The following PRKCB variants were observed in gnomAD, a reference collection of about 807,000 sequenced individuals.
PRKCB encodes protein kinase C beta.
A neutral mutation model predicts 81.5 loss-of-function variants in PRKCB; 13 were observed. The observed-to-expected ratio is 0.16, with a 90% CI of 0.10 to 0.25. The LOEUF is 0.25. Ranked by LOEUF, PRKCB falls within the 10% of genes least tolerant of loss-of-function variation. The pLI, the probability that PRKCB is intolerant of heterozygous loss-of-function variation, is 1.00. For missense variants in PRKCB, 509 were observed against 875.7 expected, an observed-to-expected ratio of 0.58 and a Z score of 5.29; for synonymous variants, 335 against 321.4, an observed-to-expected ratio of 1.04 and a Z score of -0.45.
chr16:23,932,154 A>T (rs878911308), intron 2 of PRKCB, among the ~76,000 whole-genome samples: 1 of 152,386 alleles, frequency 6.6e-6, no homozygotes, highest in African/African-American at 2.4e-5. Flanking sequence ...AAATAGAATT[A>T]AAAGATATAG....
intron 2 of PRKCB, among the ~76,000 whole-genome samples, chr16:23,841,101 CAG>C: frequency 6.6e-6 from 1 of 152,122 alleles, no homozygotes; most frequent in East Asian, 1.9e-4. Context: ...TTTATTGAGA[CAG>C]AGTCTCACTC....
rs937169523 is a variant in PRKCB at position 24,213,837 on chromosome 16, T to A, written c.1864-821T>A. Among the ~76,000 whole-genome samples, 6 of 152,242 alleles carry A rather than the reference T, an allele frequency of 3.9e-5. 1 individual carries two copies. The highest frequency in any genetic ancestry group is 1.4e-4 in the African/African-American group (6 of 41,472). ...TGTACATACACATATGTGTTATAACTCTGCCTCAGATGGGGGCCTTTTTAA... is the reference window on the plus strand; with the variant it reads ...TGTACATACACATATGTGTTATAACACTGCCTCAGATGGGGGCCTTTTTAA... On this transcript the variant is annotated intron_variant, in intron 16 of 16. Coordinates refer to ENST00000643927, the MANE Select transcript of PRKCB (RefSeq NM_002738.7).
chr16:24,140,451 C>T (rs758278858), intron 9 of PRKCB, among the ~76,000 whole-genome samples: 4 of 152,050 alleles, frequency 2.6e-5, no homozygotes, highest in Non-Finnish European at 5.9e-5. Flanking sequence ...GCTTTACACA[C>T]AAAGACTCAA....
chr16:23,849,767 T>C (rs559537009), intron 2 of PRKCB, among the ~76,000 whole-genome samples: 1 of 152,384 alleles, frequency 6.6e-6, no homozygotes, highest in South Asian at 2.1e-4. Context: ...TTGATACATA[T>C]ATACAATGTG....
chr16:24,038,430 C>T (rs965316481), intron 5 of PRKCB, among the ~76,000 whole-genome samples: 4 of 152,248 alleles, frequency 2.6e-5, no homozygotes, highest in Non-Finnish European at 5.9e-5. Context: ...TGATATCACA[C>T]CATTCGGGAA....
chr16:23,866,280 C>T (rs150810970), intron 2 of PRKCB, among the ~76,000 whole-genome samples: 50 of 152,192 alleles, frequency 3.3e-4, no homozygotes, highest in Admixed American at 7.8e-4. Context: ...TGTTTATCCC[C>T]ATACACGTAT....
Position 24,216,789 on chromosome 16 carries a change from C to T in PRKCB, c.*1973C>T. ...GAAGGAGGGAAATCGGAGCAAAGCT[C>T]CCTCACTTTATTGTTGAGAAACTGG... On this transcript the variant is annotated 3_prime_UTR_variant, in exon 17 of 17. Coordinates refer to ENST00000643927, the MANE Select transcript of PRKCB (RefSeq NM_002738.7). 2 of 985,418 alleles carry T rather than the reference C, an allele frequency of 2.0e-6. No homozygotes were observed. The highest frequency in any genetic ancestry group is 2.4e-6 in the Non-Finnish European group (2 of 829,946). The allele number at this position is 985,418 out of a possible 1,614,324, so 61.0% of individuals were successfully genotyped here.
chr16:24,144,181 GA>G (rs982577056), intron 9 of PRKCB, among the ~76,000 whole-genome samples: 1 of 151,536 alleles, frequency 6.6e-6, no homozygotes, highest in Admixed American at 6.6e-5. Context: ...AAGAGGGAGA[GA>G]AAAAAAAGAA....
chr16:23,982,618 G>A (rs535430264), intron 2 of PRKCB, among the ~76,000 whole-genome samples: 2 of 151,716 alleles, frequency 1.3e-5, no homozygotes, highest in African/African-American at 4.8e-5. Flanking sequence ...TTTTAGAGAT[G>A]GAGTCTTGCC....
intron 5 of PRKCB, among the ~76,000 whole-genome samples, chr16:24,041,562 T>A (rs1965698707): frequency 6.6e-6 from 1 of 152,068 alleles, no homozygotes; most frequent in Admixed American, 6.6e-5. Flanking sequence ...GGAACTCCCA[T>A]TCTATATTCT....
Position 24,094,304 on chromosome 16 carries a change from A to G in PRKCB, c.821+7A>G. 1 of 1,613,770 alleles carries G rather than the reference A, an allele frequency of 6.2e-7. No homozygotes were observed. The highest frequency in any genetic ancestry group is 8.5e-7 in the Non-Finnish European group (1 of 1,179,896). On this transcript the variant is annotated splice_region_variant and intron_variant, in intron 7 of 16. Transcript: ENST00000643927. ...AAGCCAGTGTTGATGGCTGGTAAGTAAGATTTTGCCTTGAAAGCTACCATA... is the reference window on the plus strand; with the variant it reads ...AAGCCAGTGTTGATGGCTGGTAAGTGAGATTTTGCCTTGAAAGCTACCATA...
intron 2 of PRKCB, among the ~76,000 whole-genome samples, chr16:23,881,566 T>TA (rs2141108299): frequency 6.6e-6 from 1 of 152,080 alleles, no homozygotes; most frequent in African/African-American, 2.4e-5. Context: ...TCCCGTTTTT[T>TA]AAAAAAATAT....
chr16:24,165,883 C>CTTTTTTTTTTTTTTTT (rs71154285), intron 10 of PRKCB, among the ~76,000 whole-genome samples: 2 of 94,004 alleles, frequency 2.1e-5, no homozygotes, highest in African/African-American at 3.8e-5. Flanking sequence ...TTCTTTCTTT[C>CTTTTTTTTTTTTTTTT]TTTTTTTTTT....
intron 9 of PRKCB, among the ~76,000 whole-genome samples, chr16:24,141,493 G>A (rs187754884): frequency 2.0e-5 from 3 of 152,326 alleles, no homozygotes; most frequent in African/African-American, 7.2e-5. Flanking sequence ...ACTGTGCCCG[G>A]CCAAGACCTC....
intron 3 of PRKCB, among the ~76,000 whole-genome samples, chr16:24,009,799 G>A (rs1164097865): frequency 6.6e-6 from 1 of 151,958 alleles, no homozygotes; most frequent in Non-Finnish European, 1.5e-5. Context: ...GGGATCACTT[G>A]AGGTCAGGAG....
At chr16:23,983,415 A>G (rs924622352) in intron 2 of PRKCB, among the ~76,000 whole-genome samples, 4 of 152,124 alleles carry the variant, frequency 2.6e-5, no homozygotes, top group Admixed American at 6.5e-5. Context: ...GGGATGGACT[A>G]TTCATTTCTG....
chr16:23,985,543 G>C (rs575827493), intron 2 of PRKCB, among the ~76,000 whole-genome samples: 10 of 152,200 alleles, frequency 6.6e-5, no homozygotes, highest in African/African-American at 2.2e-4. Flanking sequence ...GTTCAACAAG[G>C]GGACAATCAT....
At chr16:24,173,650 A>T (rs1596582043) in intron 11 of PRKCB, among the ~76,000 whole-genome samples, 1 of 152,200 alleles carries the variant, frequency 6.6e-6, no homozygotes, top group South Asian at 2.1e-4. Flanking sequence ...GACACTTTAC[A>T]TAGTTCCCCA....
intron 2 of PRKCB, among the ~76,000 whole-genome samples, chr16:23,861,343 AT>A (rs1370304109): frequency 3.3e-5 from 5 of 151,788 alleles, no homozygotes; most frequent in Non-Finnish European, 7.4e-5. Context: ...TAATTATTTT[AT>A]TTTTTATAGA....
Sources: allele counts gnomAD v4.1 joint callset (sites outside exome capture counted in the v4.1 genomes callset), GRCh38; gene constraint gnomAD v4.1.1; transcripts MANE v1.5; gene names NCBI Gene and HGNC (gene_info 2026-07-23, HGNC 2026-07-21).